The following EPS15L1 variants were observed in gnomAD, a reference collection of about 807,000 sequenced individuals.
EPS15L1 encodes the protein epidermal growth factor receptor substrate 15-like 1.
Under a neutral mutation model 117.1 loss-of-function variants are expected in EPS15L1, and 43 were observed. That is an observed-to-expected ratio of 0.37 (90% confidence interval 0.29 to 0.47). The LOEUF (loss-of-function observed/expected upper bound fraction) is 0.47, where lower values mean the gene tolerates loss of function less well. EPS15L1 is among the 20% of genes least tolerant of loss of function. EPS15L1 has a pLI of 0.99. For missense variants in EPS15L1, 981 were observed against 1,164.0 expected (o/e 0.84, Z 2.29); for synonymous variants, 459 against 470.5 (o/e 0.98, Z 0.32).
At chr19:16,456,579 C>T (rs974484176) in intron 1 of EPS15L1, among the ~76,000 whole-genome samples, 1 of 151,944 alleles carries the variant, frequency 6.6e-6, no homozygotes, top group Non-Finnish European at 1.5e-5. Context: ...ACCGCTTGAA[C>T]CCAGGAGGCT....
At chr19:16,374,890 T>G (rs1328444674) in intron 22 of EPS15L1, among the ~76,000 whole-genome samples, 1 of 152,256 alleles carries the variant, frequency 6.6e-6, no homozygotes, top group Non-Finnish European at 1.5e-5. Context: ...CACGTTTGCA[T>G]GCATGCATTA....
chr19:16,429,403 G>A (rs745655689), intron 7 of EPS15L1, among the ~76,000 whole-genome samples: 1 of 152,196 alleles, frequency 6.6e-6, no homozygotes, highest in Non-Finnish European at 1.5e-5. Flanking sequence ...CGCTGGGCAG[G>A]CTGCCAGTCC....
rs74998340 is a variant in EPS15L1, at chr19:16,466,391, C to T, written c.33+5522G>A. 2.4e-3 allele frequency among the ~76,000 whole-genome samples: 371 copies of T among 152,208 alleles called. 5 individuals carry two copies. The East Asian group carries it at 0.067, about 28-fold the overall frequency. ...CCTTTCCTGACCTCCATCATCAGAT[C>T]GGAACCTGCCCTGCTCTACTCATCT... is the stretch of plus-strand genomic sequence containing the variant. On this transcript the variant is annotated intron_variant, in intron 1 of 23. Transcript: ENST00000455140.
chr19:16,414,717 T>G (rs796588861), intron 12 of EPS15L1, among the ~76,000 whole-genome samples: 48 of 150,892 alleles, frequency 3.2e-4, no homozygotes, highest in East Asian at 7.8e-4. Context: ...GTTTTGTTTT[T>G]TTTTTTTTTT....
At chr19:16,415,290 G>A (rs558681524) in intron 12 of EPS15L1, among the ~76,000 whole-genome samples, 1 of 152,296 alleles carries the variant, frequency 6.6e-6, no homozygotes, top group East Asian at 1.9e-4. Context: ...CTCCAGAACT[G>A]TGCGAAATGT....
chr19:16,415,737 G>C (rs2092752419), intron 12 of EPS15L1, among the ~76,000 whole-genome samples: 1 of 152,182 alleles, frequency 6.6e-6, no homozygotes, highest in East Asian at 1.9e-4. Flanking sequence ...CTCCACATTG[G>C]GGAAACAAGG....
chr19:16,362,407 AC>A (rs2092068100), intron 22 of EPS15L1, among the ~76,000 whole-genome samples: 1 of 149,824 alleles, frequency 6.7e-6, no homozygotes, highest in Admixed American at 6.6e-5. Context: ...GGGGAGAGTT[AC>A]TTGCAAATGA....
At chr19:16,448,387 A>G (rs930827352) in intron 1 of EPS15L1, among the ~76,000 whole-genome samples, 1 of 151,794 alleles carries the variant, frequency 6.6e-6, no homozygotes, top group African/African-American at 2.4e-5. Flanking sequence ...AAAATTAGCC[A>G]GGCATGGTGG....
intron 4 of EPS15L1, 125 bp from the exon 5 acceptor site, chr19:16,437,990 A>T (rs1045199729): frequency 1.3e-5 from 9 of 704,714 alleles, no homozygotes; most frequent in African/African-American, 1.2e-4. Context: ...CGTCCGTGCA[A>T]AAACCCCTTG....
chr19:16,359,222 A>T (rs894524821), intron 23 of EPS15L1, among the ~76,000 whole-genome samples: 1 of 152,210 alleles, frequency 6.6e-6, no homozygotes, highest in African/African-American at 2.4e-5. Context: ...GCAGTCAGAC[A>T]GCCCTCTTGG....
At chr19:16,460,015 C>T (rs2093233305) in intron 1 of EPS15L1, among the ~76,000 whole-genome samples, 2 of 152,206 alleles carry the variant, frequency 1.3e-5, no homozygotes, top group Non-Finnish European at 1.5e-5. Context: ...GTGGCTCAGG[C>T]CTGTAATCCC....
chr19:16,355,698 C>T lies in EPS15L1; in HGVS notation c.*7G>A. 1 of 1,535,126 alleles carries T rather than the reference C, an allele frequency of 6.5e-7. No homozygotes were observed. The highest frequency in any genetic ancestry group is 8.7e-7 in the Non-Finnish European group (1 of 1,146,246). ...CGTGCCCTGTCCCGCCTACACACGG[C>T]CCTCGCCTAGGCGGCAGGCATGTCA... On this transcript the variant is annotated 3_prime_UTR_variant, in exon 24 of 24. Coordinates refer to ENST00000455140, the MANE Select transcript of EPS15L1 (RefSeq NM_001258374.3).
intron 4 of EPS15L1, among the ~76,000 whole-genome samples, chr19:16,440,348 A>C (rs2093018893): frequency 6.6e-6 from 1 of 150,590 alleles, no homozygotes; most frequent in South Asian, 2.1e-4. Context: ...CAGGGGAATC[A>C]CTTGATCCTG....
At chr19:16,420,898 A>T (rs1262536496) in intron 10 of EPS15L1, among the ~76,000 whole-genome samples, 1 of 152,174 alleles carries the variant, frequency 6.6e-6, no homozygotes, top group Non-Finnish European at 1.5e-5. Flanking sequence ...GCCTTTCCAG[A>T]GCAGGGCCTC....
chr19:16,404,639 G>A lies in EPS15L1; in HGVS notation c.1377C>T (p.Leu459=), dbSNP rs368473067. 13 of 1,614,038 alleles carry A rather than the reference G, an allele frequency of 8.1e-6. No homozygotes were observed. In the South Asian group the frequency reaches 8.8e-5, roughly 11 times the overall value. ...GCCGGACGTCGCTCAGCATGTCTCG[G>A]AGCTTGGCCTTCTGCTGGTCCATCT... ...LDEMDQQKAK[L]RDMLSDVRQK... Residue 459 remains leucine, a synonymous_variant, in exon 14 of 24, where the codon CTC becomes CTT. Coordinates refer to ENST00000455140, the MANE Select transcript of EPS15L1 (RefSeq NM_001258374.3). This position sits in a 1 kb window ranked among gnomAD's most constrained non-coding sequence, Gnocchi z 4.2.
chr19:16,368,796 A>G (rs1159868818), intron 22 of EPS15L1, among the ~76,000 whole-genome samples: 1 of 152,208 alleles, frequency 6.6e-6, no homozygotes, highest in African/African-American at 2.4e-5. Flanking sequence ...TGCAACTGTC[A>G]TTCACCCTAC....
chr19:16,399,594 A>C lies in EPS15L1; in HGVS notation c.1791+2727T>G, dbSNP rs560717993. 1.2e-4 allele frequency among the ~76,000 whole-genome samples: 18 copies of C among 152,238 alleles called. 1 individual carries two copies. The highest frequency in any genetic ancestry group is 4.3e-4 in the African/African-American group (18 of 41,538). ...AAAGCCCTGGTTTAGAGCTTCTGCC[A>C]ATTCCTGTGGTGTAAACAGTCTCAT... On this transcript the variant is annotated intron_variant, in intron 16 of 23. Transcript: ENST00000455140.
At chr19:16,372,428 G>A (rs2092237919) in intron 22 of EPS15L1, among the ~76,000 whole-genome samples, 1 of 152,218 alleles carries the variant, frequency 6.6e-6, no homozygotes, top group African/African-American at 2.4e-5. Flanking sequence ...TGGCACCAAA[G>A]CCACACGTGA....
intron 17 of EPS15L1, 55 bp from the exon 18 acceptor site, chr19:16,394,056 G>A (rs559999026): frequency 1.5e-5 from 24 of 1,559,032 alleles, no homozygotes; most frequent in Admixed American, 1.3e-4. Context: ...GATGCGGGCC[G>A]GGCCCTTGGA....
Sources: allele counts gnomAD v4.1 joint callset (sites outside exome capture counted in the v4.1 genomes callset), GRCh38; gene constraint gnomAD v4.1.1; non-coding constraint Gnocchi (gnomAD v3.1); transcripts MANE v1.5; gene names NCBI Gene and HGNC (gene_info 2026-07-23, HGNC 2026-07-21).